The following TMTC1 variants were observed in gnomAD, a reference collection of about 807,000 sequenced individuals.
TMTC1 encodes transmembrane O-mannosyltransferase targeting cadherins 1, also known as protein O-mannosyl-transferase TMTC1.
A neutral mutation model predicts 104.8 loss-of-function variants in TMTC1; 73 were observed. The observed-to-expected ratio is 0.70, with a 90% CI of 0.58 to 0.85. The LOEUF is 0.85. Among genes scored for constraint, TMTC1 ranks in the 40% least tolerant of loss-of-function variants. The pLI, the probability that TMTC1 is intolerant of heterozygous loss-of-function variation, is 0.00. For synonymous variants in TMTC1, 434 were observed against 428.7 expected (o/e 1.01, Z -0.15); for missense variants, 1,035 against 1,096.1 (o/e 0.94, Z 0.79).
At position 29,502,737 on chromosome 12, in the gene TMTC1, T is replaced by TC; in HGVS notation, c.*4108dup. The TC allele has an allele frequency of 6.6e-6, 1 of 152,332 alleles. No homozygotes were observed. The highest frequency in any genetic ancestry group is 1.5e-5 in the Non-Finnish European group (1 of 68,026). The allele number at this position is 152,332 out of a possible 1,614,324, so 9.4% of individuals were successfully genotyped here. On this transcript the variant is annotated 3_prime_UTR_variant, in exon 18 of 18. Transcript: ENST00000539277. ...TAAAAATTGCAAAAGATGATAAACA[T>TC]CTATTATTTTGTAAAAGTTACAAGC...
chr12:29,593,852 T>G, intron 7 of TMTC1, among the ~76,000 whole-genome samples: 1 of 152,254 alleles, frequency 6.6e-6, no homozygotes, highest in African/African-American at 2.4e-5. Flanking sequence ...AATAACATTT[T>G]ATTCATTTCT....
Position 29,783,622 on chromosome 12 carries a change from A to T in TMTC1, c.130T>A (p.Ser44Thr). The T allele has an allele frequency of 6.8e-7, 1 of 1,466,060 alleles. No individual in the cohort carries two copies. Among genetic ancestry groups the T allele is most frequent in the Non-Finnish European group, 9.0e-7 (1 of 1,111,628 alleles). The allele number at this position is 1,466,060 out of a possible 1,614,324, so 90.8% of individuals were successfully genotyped here. A position where few individuals can be genotyped will look rare whatever the true frequency, so the allele number is the denominator to read the frequency against. ...AGASCLCYGR[S>T]LQGEFVHDDV... ...TCGTGCACGAACTCGCCCTGCAGGG[A>T]GCGGCCGTAGCACAGGCAGCTTGCC... The change falls in exon 1 of 18, where the codon TCC becomes ACC. Residue 44 changes from serine to threonine, a missense_variant. By Grantham distance (58) the Ser-to-Thr change is moderately conservative. Coordinates refer to ENST00000539277, the MANE Select transcript of TMTC1 (RefSeq NM_001193451.2). This position sits in a 1 kb window ranked among gnomAD's most constrained non-coding sequence, Gnocchi z 4.7.
chr12:29,575,872 A>G lies in TMTC1; in HGVS notation c.1419-3654T>C, dbSNP rs180874329. Among the ~76,000 whole-genome samples, 35 of 152,322 alleles carry G rather than the reference A, an allele frequency of 2.3e-4. 1 individual carries two copies. In the East Asian group the frequency reaches 6.0e-3, roughly 26 times the overall value. On this transcript the variant is annotated intron_variant, in intron 8 of 17. Coordinates refer to ENST00000539277, the MANE Select transcript of TMTC1 (RefSeq NM_001193451.2). ...CATACATTCCCACCAACAATGTACAAAGGTTCCCTTTTCTCCACATCCACT... is the reference window on the plus strand; with the variant it reads ...CATACATTCCCACCAACAATGTACAGAGGTTCCCTTTTCTCCACATCCACT...
chr12:29,735,927 G>T (rs1942660179), intron 5 of TMTC1, among the ~76,000 whole-genome samples: 1 of 152,182 alleles, frequency 6.6e-6, no homozygotes, highest in African/African-American at 2.4e-5. Context: ...TTCTCTCTGG[G>T]TTACTTCGGA....
intron 10 of TMTC1, among the ~76,000 whole-genome samples, chr12:29,549,838 A>C (rs564365761): frequency 4.6e-5 from 7 of 152,238 alleles, no homozygotes; most frequent in African/African-American, 1.4e-4. Context: ...TAAGGAATGA[A>C]TTTTCAACAG....
At chr12:29,664,827 T>C (rs1940212704) in intron 5 of TMTC1, among the ~76,000 whole-genome samples, 1 of 152,230 alleles carries the variant, frequency 6.6e-6, no homozygotes, top group Admixed American at 6.5e-5. Context: ...GTAAATGCTA[T>C]TACTATTTTT....
chr12:29,692,901 C>T (rs910208332), intron 5 of TMTC1, among the ~76,000 whole-genome samples: 2 of 144,566 alleles, frequency 1.4e-5, no homozygotes, highest in Non-Finnish European at 3.0e-5. Context: ...CAAAATAACA[C>T]GTTTTATTAT....
At chr12:29,688,614 C>T (rs1303718533) in intron 5 of TMTC1, among the ~76,000 whole-genome samples, 1 of 152,188 alleles carries the variant, frequency 6.6e-6, no homozygotes, top group Non-Finnish European at 1.5e-5. Context: ...TAATCTGGGG[C>T]TGCCCAAAGT....
chr12:29,769,410 T>C (rs766625789), intron 1 of TMTC1, among the ~76,000 whole-genome samples: 3 of 152,072 alleles, frequency 2.0e-5, no homozygotes, highest in African/African-American at 4.8e-5. Context: ...GCATCCTCAA[T>C]ACAGGAGCCT....
chr12:29,546,156 G>T (rs995842979), intron 10 of TMTC1, among the ~76,000 whole-genome samples: 2 of 152,202 alleles, frequency 1.3e-5, no homozygotes, highest in African/African-American at 4.8e-5. Flanking sequence ...CTCTCCTCAC[G>T]TGATTCTCAG....
chr12:29,677,409 C>A (rs1210259816), intron 5 of TMTC1, among the ~76,000 whole-genome samples: 1 of 152,170 alleles, frequency 6.6e-6, no homozygotes, highest in Non-Finnish European at 1.5e-5. Context: ...CATAGAAGCA[C>A]AAGCAACCCA....
At chr12:29,739,918 A>G (rs1248223398) in intron 5 of TMTC1, among the ~76,000 whole-genome samples, 5 of 152,084 alleles carry the variant, frequency 3.3e-5, no homozygotes, top group Non-Finnish European at 5.9e-5. Flanking sequence ...CACGTTGGCC[A>G]AGAGGTCTCG....
chr12:29,696,541 T>C (rs1242598518), intron 5 of TMTC1, among the ~76,000 whole-genome samples: 1 of 152,194 alleles, frequency 6.6e-6, no homozygotes, highest in Non-Finnish European at 1.5e-5. Context: ...TCTTTTGCTC[T>C]GGAAAGATTT....
intron 11 of TMTC1, among the ~76,000 whole-genome samples, chr12:29,524,662 C>T (rs185470029): frequency 6.6e-6 from 1 of 152,222 alleles, no homozygotes; most frequent in East Asian, 1.9e-4. Flanking sequence ...AGAGTGAAGG[C>T]CCCTGGCAGT....
chr12:29,649,477 G>T (rs1297672647), intron 5 of TMTC1, among the ~76,000 whole-genome samples: 1 of 152,192 alleles, frequency 6.6e-6, no homozygotes, highest in African/African-American at 2.4e-5. Flanking sequence ...ACAGGACTGC[G>T]GACAGGTGGG....
At chr12:29,613,068 C>T (rs1401459678) in intron 6 of TMTC1, among the ~76,000 whole-genome samples, 1 of 152,128 alleles carries the variant, frequency 6.6e-6, no homozygotes, top group African/African-American at 2.4e-5. Flanking sequence ...CTATAATATT[C>T]CACTGTTTAT....
chr12:29,596,797 T>G (rs560120363), intron 7 of TMTC1, among the ~76,000 whole-genome samples: 7 of 152,244 alleles, frequency 4.6e-5, no homozygotes, highest in African/African-American at 7.2e-5. Flanking sequence ...GACTGAATAT[T>G]TGGCTCTGCC....
chr12:29,783,930 G>A lies in TMTC1; in HGVS notation c.-179C>T. ...CCGCCTGCGCCGCGGAGTTGGCCCA[G>A]CTGCAAATAAACAGCAGTCCCCCCG... On this transcript the variant is annotated 5_prime_UTR_variant, in exon 1 of 18. Coordinates refer to ENST00000539277, the MANE Select transcript of TMTC1 (RefSeq NM_001193451.2). This position sits in a 1 kb window ranked among gnomAD's most constrained non-coding sequence, Gnocchi z 4.7. The A allele has an allele frequency of 2.1e-6, 1 of 465,180 alleles. No homozygotes were observed. The highest frequency in any genetic ancestry group is 2.9e-6 in the Non-Finnish European group (1 of 345,058). 28.8% of individuals were successfully genotyped at this position (465,180 alleles called of 1,614,324 possible).
chr12:29,715,198 C>T (rs542203894), intron 5 of TMTC1, among the ~76,000 whole-genome samples: 65 of 152,164 alleles, frequency 4.3e-4, no homozygotes, highest in African/African-American at 1.3e-3. Context: ...TTTAATGGAG[C>T]CATTCACTGA....
Sources: allele counts gnomAD v4.1 joint callset (sites outside exome capture counted in the v4.1 genomes callset), GRCh38; gene constraint gnomAD v4.1.1; non-coding constraint Gnocchi (gnomAD v3.1); transcripts MANE v1.5; gene names NCBI Gene and HGNC (gene_info 2026-07-23, HGNC 2026-07-21).